Variants in CCDC93 observed in about 807,000 individuals in gnomAD.
CCDC93 encodes the protein coiled-coil domain-containing protein 93.
Under a neutral mutation model 108.2 loss-of-function variants are expected in CCDC93, and 61 were observed. The observed-to-expected ratio is 0.56, with a 90% CI of 0.46 to 0.70. The LOEUF (loss-of-function observed/expected upper bound fraction) is 0.70, where lower values mean the gene tolerates loss of function less well. CCDC93 is among the 30% of genes least tolerant of loss of function. The pLI is 0.00. For missense variants in CCDC93, 685 were observed against 764.2 expected, an observed-to-expected ratio of 0.90 and a Z score of 1.22; for synonymous variants, 276 against 260.4, an observed-to-expected ratio of 1.06 and a Z score of -0.58.
chr2:117,950,465 C>G (rs1679016474), intron 13 of CCDC93: 2 of 985,312 alleles, frequency 2.0e-6, no homozygotes, highest in East Asian at 1.1e-4. Context: ...GCCTCCCCCA[C>G]AGGTGTCAGG....
At chr2:117,983,803 C>G (rs1680232853) in intron 7 of CCDC93, among the ~76,000 whole-genome samples, 1 of 152,022 alleles carries the variant, frequency 6.6e-6, no homozygotes, top group South Asian at 2.1e-4. Context: ...ATAGAACACA[C>G]ACTTGTTGGG....
chr2:117,996,526 C>G, intron 4 of CCDC93, 164 bp from the exon 5 acceptor site: 1 of 551,484 alleles, frequency 1.8e-6, no homozygotes, highest in South Asian at 2.2e-5. Flanking sequence ...AAGCAACCAG[C>G]TGGGTATCCA....
intron 21 of CCDC93, among the ~76,000 whole-genome samples, chr2:117,936,024 GT>G (rs796616696): frequency 3.3e-4 from 48 of 143,418 alleles, no homozygotes; most frequent in Admixed American, 2.8e-4. Context: ...GTGGTTTTTT[GT>G]TTTTTTTTTT....
At chr2:117,934,821 C>T (rs1218437849) in intron 22 of CCDC93, 1 of 152,204 alleles carries the variant, frequency 6.6e-6, no homozygotes, top group Non-Finnish European at 1.5e-5. Context: ...TGGCGTGATA[C>T]ATTTTTAAAA....
chr2:117,929,797 C>A (rs1678265061), intron 23 of CCDC93, among the ~76,000 whole-genome samples: 1 of 152,192 alleles, frequency 6.6e-6, no homozygotes, highest in Non-Finnish European at 1.5e-5. Context: ...CCTCCGCTCC[C>A]CATTCCTGCA....
At chr2:117,925,823 C>A (rs1362880013) in intron 23 of CCDC93, among the ~76,000 whole-genome samples, 3 of 152,208 alleles carry the variant, frequency 2.0e-5, no homozygotes, top group Non-Finnish European at 4.4e-5. Flanking sequence ...ACATTCTTCT[C>A]AGCACCACAC....
At chr2:117,984,323 C>T (rs1305453273) in intron 7 of CCDC93, among the ~76,000 whole-genome samples, 1 of 152,214 alleles carries the variant, frequency 6.6e-6, no homozygotes, top group Admixed American at 6.5e-5. Flanking sequence ...TATCAAGACA[C>T]TGCTCTTTCT....
intron 22 of CCDC93, 33 bp from the exon 23 acceptor site, chr2:117,931,183 A>C (rs368963896): frequency 1.3e-5 from 19 of 1,489,630 alleles, no homozygotes; most frequent in Non-Finnish European, 1.7e-5. Context: ...GGTGATGAAA[A>C]GACATGTTCT....
At chr2:117,958,943 A>G (rs189112067) in intron 11 of CCDC93, among the ~76,000 whole-genome samples, 35 of 152,310 alleles carry the variant, frequency 2.3e-4, no homozygotes, top group African/African-American at 8.4e-4. Context: ...CACATTTTCC[A>G]TCACTTGGCC....
intron 1 of CCDC93, among the ~76,000 whole-genome samples, chr2:118,012,029 A>C (rs1372500674): frequency 4.6e-5 from 7 of 152,216 alleles, no homozygotes; most frequent in Non-Finnish European, 7.3e-5. Context: ...TCTTACACAA[A>C]GCCCAATAAA....
At chr2:117,971,422 TAAAC>T (rs5833728) in intron 11 of CCDC93, among the ~76,000 whole-genome samples, 55,201 of 151,392 alleles carry the variant, frequency 0.36, 10,784 homozygotes, top group African/African-American at 0.49. Flanking sequence ...TAAAAATAAA[TAAAC>T]AAACGGGAAG....
chr2:117,969,141 CATATATGTAAT>C (rs1255846339), intron 11 of CCDC93, among the ~76,000 whole-genome samples: 1 of 152,146 alleles, frequency 6.6e-6, no homozygotes, highest in African/African-American at 2.4e-5. Context: ...CTTTTGATTA[CATATATGTAAT>C]TACGTTATGT....
intron 8 of CCDC93, among the ~76,000 whole-genome samples, chr2:117,977,695 C>T (rs1406165156): frequency 6.6e-6 from 1 of 152,182 alleles, no homozygotes; most frequent in Admixed American, 6.5e-5. Context: ...GCTCTGGGAG[C>T]CCTGGCAGTG....
intron 11 of CCDC93, among the ~76,000 whole-genome samples, chr2:117,970,649 GA>G (rs1437021715): frequency 1.3e-5 from 2 of 152,178 alleles, no homozygotes; most frequent in African/African-American, 4.8e-5. Flanking sequence ...ATTCAGAGAA[GA>G]AAACACAGTA....
chr2:118,008,707 G>T, intron 1 of CCDC93, 49 bp from the exon 2 acceptor site: 2 of 1,193,624 alleles, frequency 1.7e-6, no homozygotes, highest in African/African-American at 1.5e-5. Context: ...GCTGAATAAA[G>T]GAACACCAGG....
intron 11 of CCDC93, among the ~76,000 whole-genome samples, chr2:117,968,269 G>C (rs1444070424): frequency 5.3e-5 from 8 of 152,270 alleles, no homozygotes; most frequent in African/African-American, 1.9e-4. Flanking sequence ...TCAAGCTTAG[G>C]GGGTTGCAGG....
At position 117,946,822 on chromosome 2, in the gene CCDC93, C is replaced by T; in HGVS notation, c.1285G>A (p.Gly429Arg). 2 of 1,612,268 alleles carry T rather than the reference C, an allele frequency of 1.2e-6. No individual in the cohort carries two copies. Among genetic ancestry groups the T allele is most frequent in the Non-Finnish European group, 1.7e-6 (2 of 1,178,252 alleles). Residue 429 changes from glycine (G) to arginine (R), a missense_variant, in exon 16 of 24, where the codon GGA becomes AGA. Gly to Arg is a moderately radical substitution (Grantham distance 125, BLOSUM62 -2). Coordinates refer to ENST00000376300, the MANE Select transcript of CCDC93 (RefSeq NM_019044.5). ...TTCAGAGCCTTTACCTTTTCATCTC[C>T]ACGTGGTGCTCTCTCAGCTTTCAGG... is the stretch of plus-strand genomic sequence containing the variant. ...ENLKAERAPR[G>R]DEKTLSSGEP... is the part of the protein sequence containing the mutation.
chr2:117,929,461 A>T (rs895596165), intron 23 of CCDC93, among the ~76,000 whole-genome samples: 1 of 152,118 alleles, frequency 6.6e-6, no homozygotes, highest in African/African-American at 2.4e-5. Context: ...CTCTGAAGGA[A>T]CTGGTGCCTT....
At chr2:117,983,009 G>T (rs538184966) in intron 7 of CCDC93, among the ~76,000 whole-genome samples, 2 of 152,180 alleles carry the variant, frequency 1.3e-5, no homozygotes, top group East Asian at 3.9e-4. Context: ...GGCACTTGAA[G>T]GTCACATGTT....
Sources: gnomAD v4.1 joint callset for allele counts (sites outside exome capture counted in the v4.1 genomes callset) on GRCh38, gnomAD v4.1.1 for gene constraint, MANE v1.5 for transcripts, NCBI Gene and HGNC (gene_info 2026-07-23, HGNC 2026-07-21) for gene names.